The following PWWP3A variants were observed in gnomAD, a reference collection of about 807,000 sequenced individuals.
PWWP3A encodes PWWP domain containing 3A, DNA repair factor.
PWWP3A carries 53 observed loss-of-function variants against 79.0 expected under a neutral mutation model. The observed-to-expected ratio is 0.67, with a 90% confidence interval of 0.54 to 0.84. PWWP3A has a LOEUF of 0.84. Among genes scored for constraint, PWWP3A ranks in the 40% least tolerant of loss-of-function variants. The pLI, the probability that PWWP3A is intolerant of heterozygous loss-of-function variation, is 0.00. For synonymous variants in PWWP3A, 443 were observed against 394.4 expected, an observed-to-expected ratio of 1.12 and a Z score of -1.46; for missense variants, 973 against 948.0, an observed-to-expected ratio of 1.03 and a Z score of -0.35.
chr19:1,358,887 T>C (rs1474056077), intron 4 of PWWP3A: 1 of 393,640 alleles, frequency 2.5e-6, no homozygotes, highest in Admixed American at 3.0e-5. Flanking sequence ...TGGTTGTGTG[T>C]TTAAAATTCC....
In PWWP3A at chr19:1,360,177, G is replaced by A; in HGVS notation, c.256G>A (p.Ala86Thr). 6.3e-7 allele frequency: 1 copy of A among 1,594,730 alleles called. No individual in the cohort carries two copies. ...EVPAAPLEELAYRRSLRVALD... is the reference protein window; with the variant it reads ...EVPAAPLEELTYRRSLRVALD... Reference sequence around the variant, plus strand: ...TCCTGCGGCACCCCTGGAAGAACTGGCCTACAGACGGTCGCTTCGCGTGGC... The same window carrying A: ...TCCTGCGGCACCCCTGGAAGAACTGACCTACAGACGGTCGCTTCGCGTGGC... The change falls in exon 5 of 14, where the codon GCC becomes ACC. Residue 86 changes from alanine to threonine, a missense_variant. Ala to Thr is a moderately conservative substitution (Grantham distance 58). Coordinates refer to ENST00000591337, the MANE Select transcript of PWWP3A (RefSeq NM_001369789.1). This position sits in a 1 kb window ranked among gnomAD's most constrained non-coding sequence, Gnocchi z 4.4.
At chr19:1,375,566 A>AATTATATAATTTTATATATTGT (rs2082359683) in intron 13 of PWWP3A, among the ~76,000 whole-genome samples, 2 of 81,322 alleles carry the variant, frequency 2.5e-5, no homozygotes, top group African/African-American at 5.4e-5. Context: ...TTATATATAA[A>AATTATATAATTTTATATATTGT]ATATATTATA....
chr19:1,369,603 G>T lies in PWWP3A; in HGVS notation c.1506G>T (p.Gly502=), dbSNP rs760102921. Residue 502 remains glycine (G), a synonymous_variant, in exon 11 of 14, where the codon GGG becomes GGT. Coordinates refer to ENST00000591337, the MANE Select transcript of PWWP3A (RefSeq NM_001369789.1). This position sits in a 1 kb window ranked among gnomAD's most constrained non-coding sequence, Gnocchi z 4.0. ...CCCCTCCACCCCCTGCAGGCTGCGGGTCTTTTGCTGGCTCTTTCCTGGAAT... is the reference window on the plus strand; with the variant it reads ...CCCCTCCACCCCCTGCAGGCTGCGGTTCTTTTGCTGGCTCTTTCCTGGAAT... ...ITDYRVRLGC[G]SFAGSFLEYY... is the part of the protein sequence containing the mutation. 1.9e-6 allele frequency: 3 copies of T among 1,614,210 alleles called. No homozygotes were observed. The highest frequency in any genetic ancestry group is 1.1e-5 in the South Asian group (1 of 91,088).
At chr19:1,358,131 G>A (rs1210536794) in intron 3 of PWWP3A, 7 of 458,624 alleles carry the variant, frequency 1.5e-5, no homozygotes, top group Non-Finnish European at 2.7e-5. Context: ...CTTCATAAAA[G>A]TCACAATTTG....
In PWWP3A at chr19:1,369,520, G is replaced by C; in HGVS notation, c.1499-76G>C. The C allele has an allele frequency of 5.1e-6, 8 of 1,569,552 alleles. No individual in the cohort carries two copies. Among genetic ancestry groups the C allele is most frequent in the Admixed American group, 1.7e-5 (1 of 59,920 alleles). On this transcript the variant is annotated intron_variant, in intron 10 of 13. Transcript: ENST00000591337. This position sits in a 1 kb window ranked among gnomAD's most constrained non-coding sequence, Gnocchi z 4.0. ...TGATTATTTCCTAAACAGAGACGCC[G>C]GGCCAGCCCCTGGAACACACTTCCT...
intron 12 of PWWP3A, chr19:1,371,498 C>T (rs1322246336): frequency 3.0e-6 from 2 of 664,312 alleles, no homozygotes; most frequent in African/African-American, 1.8e-5. Context: ...GATAATGCGC[C>T]TCATACTCTG....
At position 1,360,897 on chromosome 19, in the gene PWWP3A, T is replaced by TC. The variant is rs939643539; in HGVS notation, c.981dup (p.Gly328ArgfsTer55). Reference sequence around the variant, plus strand: ...GCCCATGGCAGCAGGGGCCGCACCATCCCCCGGGCCGGGGCCAGGGCCCAG... The same window carrying TC: ...GCCCATGGCAGCAGGGGCCGCACCATCCCCCCGGGCCGGGGCCAGGGCCCAG... On this transcript the variant is annotated frameshift_variant, in exon 5 of 14. Coordinates refer to ENST00000591337, the MANE Select transcript of PWWP3A (RefSeq NM_001369789.1). LOFTEE classifies it high-confidence loss of function. This position sits in a 1 kb window ranked among gnomAD's most constrained non-coding sequence, Gnocchi z 4.4. The TC allele has an allele frequency of 1.3e-6, 2 of 1,540,992 alleles. No homozygotes were observed. The highest frequency in any genetic ancestry group is 2.1e-5 in the Admixed American group (1 of 48,672).
In PWWP3A at chr19:1,369,614, GCT is replaced by G. The variant is rs1568950887; in HGVS notation, c.1520_1521del (p.Ser507PhefsTer8). The G allele has an allele frequency of 1.2e-6, 2 of 1,614,204 alleles. No homozygotes were observed. Among genetic ancestry groups the G allele is most frequent in the African/African-American group, 1.3e-5 (1 of 75,056 alleles). ...CCTGCAGGCTGCGGGTCTTTTGCTG[GCT>G]CTTTCCTGGAATATTACGCGGCTGA... On this transcript the variant is annotated frameshift_variant, in exon 11 of 14. Coordinates refer to ENST00000591337, the MANE Select transcript of PWWP3A (RefSeq NM_001369789.1). LOFTEE classifies it high-confidence loss of function. The surrounding 1 kb of genome is among the most constrained non-coding windows in gnomAD (Gnocchi z 4.0).
In PWWP3A at chr19:1,370,844, C is replaced by T. The variant is rs1335147241; in HGVS notation, c.1752C>T (p.Gly584=). 8.3e-6 allele frequency: 13 copies of T among 1,569,304 alleles called. No homozygotes were observed. The highest frequency in any genetic ancestry group is 2.7e-5 in the African/African-American group (2 of 73,986). The change falls in exon 12 of 14, where the codon GGC becomes GGT. Residue 584 remains glycine (G), a synonymous_variant. Coordinates refer to ENST00000591337, the MANE Select transcript of PWWP3A (RefSeq NM_001369789.1). Reference sequence around the variant, plus strand: ...TGGAGTACATTGTGAAGGCCAAGGGCGCGGAGAGCCACCTGCGGGCCATCC... The same window carrying T: ...TGGAGTACATTGTGAAGGCCAAGGGTGCGGAGAGCCACCTGCGGGCCATCC... ...KLVEYIVKAK[G]AESHLRAILK...
At chr19:1,363,282 CT>C (rs1346644555) in intron 6 of PWWP3A, among the ~76,000 whole-genome samples, 1 of 152,052 alleles carries the variant, frequency 6.6e-6, no homozygotes, top group Non-Finnish European at 1.5e-5. Flanking sequence ...CACATTTTCC[CT>C]TTTTTTTGCC....
chr19:1,369,758 G>T lies in PWWP3A; in HGVS notation c.1549+112G>T. ...GGACGTTGGGGTCAAGGCACTGTCC[G>T]CAGCCACACAGCATTGTTCAACCTC... On this transcript the variant is annotated intron_variant, in intron 11 of 13. Transcript: ENST00000591337. This position sits in a 1 kb window ranked among gnomAD's most constrained non-coding sequence, Gnocchi z 4.0. The T allele has an allele frequency of 8.6e-7, 1 of 1,167,488 alleles. No homozygotes were observed. The allele number at this position is 1,167,488 out of a possible 1,614,324, so 72.3% of individuals were successfully genotyped here. A position where few individuals can be genotyped will look rare whatever the true frequency, so the allele number is the denominator to read the frequency against.
At chr19:1,366,794 A>G (rs2082138399) in intron 8 of PWWP3A, among the ~76,000 whole-genome samples, 1 of 152,246 alleles carries the variant, frequency 6.6e-6, no homozygotes, top group African/African-American at 2.4e-5. Flanking sequence ...GCACACGTGG[A>G]TGGATCAGCC....
intron 7 of PWWP3A, among the ~76,000 whole-genome samples, chr19:1,365,624 T>C (rs556435206): frequency 1.6e-4 from 25 of 152,372 alleles, no homozygotes; most frequent in African/African-American, 5.5e-4. Context: ...CCGGCGGAGA[T>C]GGAGGCCGGG....
rs185772229 is a variant in PWWP3A at position 1,358,201 on chromosome 19, A to C, written c.144-193A>C. On this transcript the variant is annotated intron_variant, in intron 3 of 13. Transcript: ENST00000591337. ...TCTGTCTTAAAAGGAAAAAAAAAAA[A>C]AAACCATTCACCAGGGTTCTTGCTG... 3.9e-3 allele frequency: 1,948 copies of C among 498,330 alleles called. 9 individuals are homozygous for C. Among genetic ancestry groups the C allele is most frequent in the South Asian group, 9.2e-3 (239 of 25,876 alleles). 30.9% of individuals were successfully genotyped at this position (498,330 alleles called of 1,614,324 possible). A position where few individuals can be genotyped will look rare whatever the true frequency, so the allele number is the denominator to read the frequency against.
At chr19:1,375,530 T>TATATAAA (rs1491194538) in intron 13 of PWWP3A, among the ~76,000 whole-genome samples, 9 of 71,702 alleles carry the variant, frequency 1.3e-4, no homozygotes, top group South Asian at 4.4e-4. Context: ...TCATATAATT[T>TATATAAA]ATATATTTTA....
At position 1,377,547 on chromosome 19, in the gene PWWP3A, C is replaced by T. The variant is rs914084465; in HGVS notation, c.*971C>T. On this transcript the variant is annotated 3_prime_UTR_variant, in exon 14 of 14. Transcript: ENST00000591337. ...TTCCGGGGTGTGGCTGCCGGGTCGG[C>T]TCTGGTCCACAGCACGGTGCCGGGG... The T allele has an allele frequency of 2.0e-5, 3 of 152,456 alleles. No individual in the cohort carries two copies. The highest frequency in any genetic ancestry group is 6.5e-5 in the Admixed American group (1 of 15,288). The allele number at this position is 152,456 out of a possible 1,614,324, so 9.4% of individuals were successfully genotyped here.
rs372716201 is a variant in PWWP3A at position 1,366,430 on chromosome 19, G to A, written c.1361+49G>A. The A allele has an allele frequency of 5.8e-5, 90 of 1,538,814 alleles. 1 individual carries two copies. Among genetic ancestry groups the A allele is most frequent in the South Asian group, 5.0e-4 (45 of 89,504 alleles). On this transcript the variant is annotated intron_variant, in intron 8 of 13. Transcript: ENST00000591337. ...GTGAATGGGCCTGAGGGGCCAGGCC[G>A]GCCGCTCTCAGAGTCAGAGCGGGCG... is the stretch of plus-strand genomic sequence containing the variant.
intron 8 of PWWP3A, 68 bp downstream of exon 8, chr19:1,366,449 G>A: frequency 6.9e-7 from 1 of 1,446,298 alleles, no homozygotes; most frequent in Non-Finnish European, 9.7e-7. Flanking sequence ...CAGAGTCAGA[G>A]CGGGCGTGGG....
chr19:1,360,348 G>A lies in PWWP3A; in HGVS notation c.427G>A (p.Val143Met), dbSNP rs776549359. Reference protein sequence around the residue: ...SNSSSLPRGDVLGSSRPHRRR... With the variant: ...SNSSSLPRGDMLGSSRPHRRR... ...CTCCTCATCTCTTCCCCGCGGAGAC[G>A]TGTTGGGCAGTTCCAGACCTCACAG... Residue 143 changes from valine (V) to methionine (M), a missense_variant, in exon 5 of 14, where the codon GTG (valine) becomes ATG (methionine). Coordinates refer to ENST00000591337, the MANE Select transcript of PWWP3A (RefSeq NM_001369789.1). The surrounding 1 kb of genome is among the most constrained non-coding windows in gnomAD (Gnocchi z 4.4). The A allele has an allele frequency of 1.4e-5, 23 of 1,614,036 alleles. No homozygotes were observed. Among genetic ancestry groups the A allele is most frequent in the African/African-American group, 5.3e-5 (4 of 74,944 alleles).
Sources: allele counts gnomAD v4.1 joint callset (sites outside exome capture counted in the v4.1 genomes callset), GRCh38; gene constraint gnomAD v4.1.1; non-coding constraint Gnocchi (gnomAD v3.1); transcripts MANE v1.5; gene names NCBI Gene and HGNC (gene_info 2026-07-23, HGNC 2026-07-21).